Variants in PHF24 observed in about 807,000 individuals in gnomAD.
PHF24 encodes Galpha inhibitory interacting protein.
In PHF24, 25 loss-of-function variants were observed where a neutral mutation model predicts 42.6. The observed-to-expected ratio is 0.59, with a 90% CI of 0.43 to 0.82. PHF24 has a LOEUF of 0.82. Among genes scored for constraint, PHF24 ranks in the 40% least tolerant of loss-of-function variants. The pLI is 0.00. For missense variants in PHF24, 470 were observed against 538.1 expected, an observed-to-expected ratio of 0.87 and a Z score of 1.25; for synonymous variants, 185 against 204.8, an observed-to-expected ratio of 0.90 and a Z score of 0.83.
the PHF24 span, among the ~76,000 whole-genome samples, chr9:34,732,783 T>C: frequency 6.6e-6 from 1 of 152,242 alleles, no homozygotes; most frequent in Non-Finnish European, 1.5e-5. Flanking sequence ...TAAATTGATA[T>C]ATTTTCTTCA....
At chr9:34,783,044 T>A in the PHF24 span, among the ~76,000 whole-genome samples, 1 of 152,196 alleles carries the variant, frequency 6.6e-6, no homozygotes, top group Admixed American at 6.6e-5. Context: ...GCATTGCTCT[T>A]GCCTCCAGAA....
At chr9:34,860,771 A>G in the PHF24 span, among the ~76,000 whole-genome samples, 1 of 152,188 alleles carries the variant, frequency 6.6e-6, no homozygotes, top group Non-Finnish European at 1.5e-5. Flanking sequence ...TCTATAAAGA[A>G]TACAAGTTGC....
the PHF24 span, among the ~76,000 whole-genome samples, chr9:34,783,014 T>C: frequency 5.3e-5 from 8 of 152,208 alleles, no homozygotes; most frequent in Non-Finnish European, 7.3e-5. Context: ...GTTTCTGACC[T>C]ATCTCTTTTC....
the PHF24 span, among the ~76,000 whole-genome samples, chr9:34,826,414 A>G: frequency 6.6e-6 from 1 of 152,212 alleles, no homozygotes; most frequent in East Asian, 1.9e-4. Context: ...GAGGCCAGGT[A>G]GAGCATTCGG....
the PHF24 span, chr9:34,709,477 C>A: frequency 6.2e-7 from 1 of 1,613,862 alleles, no homozygotes; most frequent in Non-Finnish European, 8.5e-7. Context: ...CTCCCCTTTA[C>A]CCACATCCCT....
At chr9:34,678,103 A>C in the PHF24 span, 1 of 152,104 alleles carries the variant, frequency 6.6e-6, no homozygotes, top group Admixed American at 6.5e-5. Flanking sequence ...CAGGCAGAAA[A>C]ATGTGAAAAG....
At chr9:34,798,057 A>C in the PHF24 span, among the ~76,000 whole-genome samples, 1 of 152,166 alleles carries the variant, frequency 6.6e-6, no homozygotes, top group Non-Finnish European at 1.5e-5. Flanking sequence ...AAAAGGTGTG[A>C]CCACAAAGGG....
At chr9:34,853,757 G>A in the PHF24 span, among the ~76,000 whole-genome samples, 1 of 150,002 alleles carries the variant, frequency 6.7e-6, no homozygotes, top group Non-Finnish European at 1.5e-5. Flanking sequence ...GAACCCGGGA[G>A]GTGGAGCTTG....
At chr9:34,883,136 G>T in the PHF24 span, among the ~76,000 whole-genome samples, 1 of 152,168 alleles carries the variant, frequency 6.6e-6, no homozygotes, top group East Asian at 1.9e-4. Flanking sequence ...TTTAATAGAT[G>T]GTGCTGGGAA....
the PHF24 span, among the ~76,000 whole-genome samples, chr9:34,861,774 A>G: frequency 1.3e-5 from 2 of 152,230 alleles, no homozygotes; most frequent in Non-Finnish European, 2.9e-5. Context: ...AATGGTTGCT[A>G]AAACTAGTAG....
At chr9:34,709,419 C>A in the PHF24 span, 1 of 1,610,194 alleles carries the variant, frequency 6.2e-7, no homozygotes, top group Non-Finnish European at 8.5e-7. Flanking sequence ...GGTCTGTGAC[C>A]GCTCAGTCCT....
the PHF24 span, chr9:34,917,108 T>A: frequency 2.6e-6 from 2 of 765,954 alleles, no homozygotes; most frequent in East Asian, 2.6e-5. Context: ...TCCTCTCCTC[T>A]CCTCACCTCG....
At chr9:34,740,615 C>T in the PHF24 span, among the ~76,000 whole-genome samples, 209 of 152,334 alleles carry the variant, frequency 1.4e-3, 1 homozygote, top group African/African-American at 4.6e-3. Context: ...GCTGGCGCCT[C>T]TCCCTCCACA....
the PHF24 span, among the ~76,000 whole-genome samples, chr9:34,839,491 C>T: frequency 4.8e-3 from 728 of 152,310 alleles, 11 homozygotes; most frequent in African/African-American, 0.017. Flanking sequence ...ACCTGCTTAA[C>T]CTCCATGAAT....
chr9:34,690,979 T>A, the PHF24 span: 1 of 919,962 alleles, frequency 1.1e-6, no homozygotes, highest in South Asian at 1.7e-5. Context: ...ACCTAAGCAT[T>A]TGCCTGAACT....
the PHF24 span, among the ~76,000 whole-genome samples, chr9:34,843,091 TG>T: frequency 7.9e-5 from 12 of 152,202 alleles, no homozygotes; most frequent in Admixed American, 7.9e-4. Context: ...TACCAAAAAG[TG>T]GTAAAGGACA....
At chr9:34,919,856 A>G in the PHF24 span, among the ~76,000 whole-genome samples, 1 of 152,122 alleles carries the variant, frequency 6.6e-6, no homozygotes, top group Non-Finnish European at 1.5e-5. Flanking sequence ...CCTCCAGTCC[A>G]TCCACGCTAT....
chr9:34,939,956 A>G, the PHF24 span, among the ~76,000 whole-genome samples: 1 of 152,224 alleles, frequency 6.6e-6, no homozygotes, highest in East Asian at 1.9e-4. Context: ...TCTCAGACAA[A>G]TACCGCCACT....
the PHF24 span, among the ~76,000 whole-genome samples, chr9:34,782,442 C>T: frequency 6.6e-6 from 1 of 152,144 alleles, no homozygotes; most frequent in South Asian, 2.1e-4. Flanking sequence ...TCCCATACCC[C>T]GCTTATGAAA....
Sources: allele counts gnomAD v4.1 joint callset (sites outside exome capture counted in the v4.1 genomes callset), GRCh38; gene constraint gnomAD v4.1.1; transcripts MANE v1.5; gene names NCBI Gene and HGNC (gene_info 2026-07-23, HGNC 2026-07-21).